FHL1: variants seen among roughly 807,000 people sequenced by gnomAD.
The protein encoded by FHL1 is four and a half LIM domains protein 1.
FHL1 carries 1 observed loss-of-function variant against 20.3 expected under a neutral mutation model. The observed-to-expected ratio is 0.05, with a 90% CI of 0.02 to 0.23. The LOEUF (loss-of-function observed/expected upper bound fraction) is 0.23, where lower values mean the gene tolerates loss of function less well. Among genes scored for constraint, FHL1 ranks in the 10% least tolerant of loss-of-function variants. The pLI, the probability that FHL1 is intolerant of heterozygous loss-of-function variation, is 1.00. For synonymous variants in FHL1, 82 were observed against 88.9 expected (o/e 0.92, Z 0.44); for missense variants, 177 against 234.0 (o/e 0.76, Z 1.59).
At chrX:136,202,472 C>G (rs1415262505) in intron 1 of FHL1, among the ~76,000 whole-genome samples, 1 of 111,944 alleles carries the variant, frequency 8.9e-6, no homozygotes, top group Non-Finnish European at 1.9e-5. Context: ...CCTGTAACCC[C>G]TGTAATCTCA....
At position 136,169,840 on chromosome X, in the gene FHL1, G is replaced by T. The variant is rs536770845; in HGVS notation, c.-100-67G>T. 1.8e-5 allele frequency: 6 copies of T among 329,644 alleles called. No homozygotes were observed. In the Admixed American group the frequency reaches 1.9e-4, roughly 10 times the overall value. The allele number at this position is 329,644 out of a possible 1,213,427, so 27.2% of individuals were successfully genotyped here. ...ATAGGAAGTTGACTTTATTTTTTTA[G>T]AATTCAGAACTTTGCTTCTAAAAAG... On this transcript the variant is annotated intron_variant, in intron 1 of 6. Transcript: ENST00000394153.
At chrX:136,192,594 T>G (rs1003250389), upstream of FHL1, among the ~76,000 whole-genome samples, 2 of 112,222 alleles carry the variant, frequency 1.8e-5, no homozygotes, top group African/African-American at 3.2e-5. Flanking sequence ...GTTACAGGTC[T>G]TCTTTCATAC....
exon 1 of FHL1, chrX:136,169,655 G>T (rs1210902770): frequency 3.6e-6 from 1 of 281,134 alleles, no homozygotes. Flanking sequence ...CTGAGTGTTT[G>T]AGCTAATACG....
At chrX:136,176,316 G>A (rs1343432741) in intron 2 of FHL1, among the ~76,000 whole-genome samples, 1 of 112,413 alleles carries the variant, frequency 8.9e-6, no homozygotes, top group Non-Finnish European at 1.9e-5. Context: ...AAGGTCATGA[G>A]CCTCCTTACA....
intron 1 of FHL1, among the ~76,000 whole-genome samples, chrX:136,160,747 G>C (rs1042477376): frequency 1.1e-4 from 12 of 112,180 alleles, no homozygotes; most frequent in Non-Finnish European, 1.5e-4. Flanking sequence ...TCTATTGTTA[G>C]ACAGAATTTT....
intron 2 of FHL1, among the ~76,000 whole-genome samples, chrX:136,182,045 T>A (rs1378009361): frequency 8.9e-6 from 1 of 111,889 alleles, no homozygotes; most frequent in Non-Finnish European, 1.9e-5. Context: ...TTGGAAAAAA[T>A]TTAGGAGCCT....
chrX:136,176,210 G>T (rs1237512851), intron 2 of FHL1, among the ~76,000 whole-genome samples: 2 of 112,418 alleles, frequency 1.8e-5, no homozygotes, highest in African/African-American at 6.5e-5. Context: ...TAAAGGTCCA[G>T]TGTCCACTTA....
chrX:136,171,854 G>GT (rs950119756), intron 2 of FHL1, among the ~76,000 whole-genome samples: 31 of 103,192 alleles, frequency 3.0e-4, no homozygotes, highest in Middle Eastern at 9.9e-3. Flanking sequence ...GCTAAATTCT[G>GT]TTTTTTTTAT....
chrX:136,190,457 A>C (rs756237366), intron 2 of FHL1, among the ~76,000 whole-genome samples: 12 of 111,603 alleles, frequency 1.1e-4, no homozygotes, highest in African/African-American at 3.6e-4. Context: ...TTTCTTTTTA[A>C]GTTTAATAGG....
At chrX:136,180,672 C>G (rs991824729) in intron 2 of FHL1, among the ~76,000 whole-genome samples, 4 of 112,657 alleles carry the variant, frequency 3.6e-5, no homozygotes, top group Non-Finnish European at 7.5e-5. Context: ...AACAAAAACA[C>G]TTGACTGTGT....
At chrX:136,166,375 C>G (rs1256939006), upstream of FHL1, among the ~76,000 whole-genome samples, 1 of 111,873 alleles carries the variant, frequency 8.9e-6, no homozygotes, top group Non-Finnish European at 1.9e-5. Flanking sequence ...GCCTTTGGGC[C>G]TTTCTTTCTT....
At chrX:136,165,459 A>G (rs2072686873), upstream of FHL1, among the ~76,000 whole-genome samples, 1 of 111,925 alleles carries the variant, frequency 8.9e-6, no homozygotes, top group African/African-American at 3.2e-5. Context: ...GTATTTGAAT[A>G]AAAGTGAGGT....
intron 1 of FHL1, among the ~76,000 whole-genome samples, chrX:136,154,555 A>T (rs893280886): frequency 3.6e-5 from 4 of 112,303 alleles, no homozygotes; most frequent in Admixed American, 9.4e-5. Context: ...TTTTTCCTTT[A>T]TAAAGGGAGA....
upstream of FHL1, chrX:136,167,161 A>C (rs2072733275): frequency 8.9e-6 from 1 of 111,895 alleles, no homozygotes. Context: ...CTTTTGTGTA[A>C]ACATACCATG....
At chrX:136,179,708 C>G (rs2073105026) in intron 2 of FHL1, among the ~76,000 whole-genome samples, 1 of 112,039 alleles carries the variant, frequency 8.9e-6, no homozygotes, top group African/African-American at 3.2e-5. Flanking sequence ...TTACACAGGA[C>G]TGTCTTAGGA....
intron 1 of FHL1, among the ~76,000 whole-genome samples, chrX:136,149,047 T>C (rs1229059413): frequency 8.9e-6 from 1 of 112,761 alleles, no homozygotes; most frequent in Non-Finnish European, 1.9e-5. Flanking sequence ...TAATTGCTTG[T>C]AATTCTTCTC....
At chrX:136,163,924 A>G (rs1180625386) in intron 1 of FHL1, among the ~76,000 whole-genome samples, 2 of 112,168 alleles carry the variant, frequency 1.8e-5, no homozygotes, top group African/African-American at 3.2e-5. Context: ...TAGACTTGGC[A>G]ATGAGTAATT....
chrX:136,147,378 C>T (rs1217634224), upstream of FHL1: 1 of 99,935 alleles, frequency 1.0e-5, no homozygotes, highest in Non-Finnish European at 2.1e-5. Flanking sequence ...GTGGGCAGAG[C>T]CCGGCCCCGC....
intron 1 of FHL1, among the ~76,000 whole-genome samples, chrX:136,153,284 TGG>T (rs11399857): frequency 3.4e-5 from 3 of 87,634 alleles, no homozygotes. Flanking sequence ...TTGCGGGAGG[TGG>T]GGGGGGGCAG....
Sources: gnomAD v4.1 joint callset for allele counts (sites outside exome capture counted in the v4.1 genomes callset) on GRCh38, gnomAD v4.1.1 for gene constraint, MANE v1.5 for transcripts, NCBI Gene and HGNC (gene_info 2026-07-23, HGNC 2026-07-21) for gene names.